Variants in CNDP1 observed in about 807,000 individuals in gnomAD.
The protein encoded by CNDP1 is carnosine dipeptidase 1.
Under a neutral mutation model 58.1 loss-of-function variants are expected in CNDP1, and 44 were observed. That is an observed-to-expected ratio of 0.76 (90% CI 0.60 to 0.97). CNDP1 has a LOEUF of 0.97. CNDP1 is among the 50% of genes least tolerant of loss of function. The probability of loss-of-function intolerance (pLI) is 0.00; values close to 1 mark genes in which losing one functional copy is unlikely to be tolerated. For missense variants in CNDP1, 616 were observed against 655.1 expected (o/e 0.94, Z 0.65); for synonymous variants, 254 against 252.6 (o/e 1.01, Z -0.05).
At chr18:74,580,108 C>A (rs770972714) in intron 9 of CNDP1, 22 bp from the exon 10 acceptor site, 20 of 1,600,944 alleles carry the variant, frequency 1.2e-5, no homozygotes, top group Non-Finnish European at 1.6e-5. Flanking sequence ...TTTCTCTTAT[C>A]ATTGAAAATG....
At chr18:74,535,688 T>G (rs1301070466) in intron 1 of CNDP1, among the ~76,000 whole-genome samples, 1 of 150,596 alleles carries the variant, frequency 6.6e-6, no homozygotes, top group Non-Finnish European at 1.5e-5. Context: ...TTAAACTGTG[T>G]CATGATAGTA....
intron 2 of CNDP1, among the ~76,000 whole-genome samples, chr18:74,558,418 G>A (rs1405703042): frequency 1.1e-5 from 1 of 87,362 alleles, no homozygotes; most frequent in Non-Finnish European, 2.2e-5. Flanking sequence ...TTTTTGAGAT[G>A]GAGTCTTGCT....
intron 1 of CNDP1, among the ~76,000 whole-genome samples, chr18:74,538,237 G>C (rs753444594): frequency 2.0e-5 from 3 of 152,110 alleles, no homozygotes; most frequent in Non-Finnish European, 2.9e-5. Flanking sequence ...CCTGTTTTCT[G>C]TCTCTGTAGA....
intron 6 of CNDP1, among the ~76,000 whole-genome samples, chr18:74,569,374 G>A (rs1002230670): frequency 6.6e-6 from 1 of 152,166 alleles, no homozygotes; most frequent in African/African-American, 2.4e-5. Context: ...GTAATTGATT[G>A]GATATGGCGT....
At chr18:74,584,286 T>G (rs1297444249) in intron 11 of CNDP1, 2 of 560,406 alleles carry the variant, frequency 3.6e-6, no homozygotes, top group Non-Finnish European at 6.4e-6. Flanking sequence ...GATTTGAGTC[T>G]AGGACTGATT....
At chr18:74,558,316 G>C (rs1262212346) in intron 2 of CNDP1, among the ~76,000 whole-genome samples, 2 of 152,034 alleles carry the variant, frequency 1.3e-5, no homozygotes, top group African/African-American at 4.8e-5. Context: ...TGGCTGCCAG[G>C]TGCTGGGCAC....
intron 1 of CNDP1, among the ~76,000 whole-genome samples, chr18:74,549,262 T>C (rs529990577): frequency 6.6e-6 from 1 of 152,342 alleles, no homozygotes; most frequent in South Asian, 2.1e-4. Context: ...GCTGAAAATG[T>C]CAAATCCTAG....
chr18:74,552,051 C>T (rs954662697), intron 1 of CNDP1, among the ~76,000 whole-genome samples: 1 of 152,228 alleles, frequency 6.6e-6, no homozygotes, highest in Admixed American at 6.5e-5. Context: ...CCGCCCCTGG[C>T]TCCTGGCTAA....
rs34522443 is a variant in CNDP1 at position 74,560,930 on chromosome 18, C to G, written c.378C>G (p.Thr126=). The G allele has an allele frequency of 5.3e-5, 86 of 1,614,010 alleles. No individual in the cohort carries two copies. Among genetic ancestry groups the G allele is most frequent in the Non-Finnish European group, 7.0e-5 (83 of 1,180,042 alleles). The change falls in exon 4 of 12, where the codon ACC becomes ACG. Residue 126 remains threonine (T), a synonymous_variant. Coordinates refer to ENST00000358821, the MANE Select transcript of CNDP1 (RefSeq NM_032649.6). ...TGGGGAGCGATCCCACGAAAGGCACCGTGTGCTTCTACGGCCACTTGGACG... is the reference window on the plus strand; with the variant it reads ...TGGGGAGCGATCCCACGAAAGGCACGGTGTGCTTCTACGGCCACTTGGACG... The part of the protein sequence containing the change: ...AELGSDPTKG[T]VCFYGHLDVQ...
At chr18:74,583,164 G>A (rs1393250580) in intron 10 of CNDP1, among the ~76,000 whole-genome samples, 5 of 152,074 alleles carry the variant, frequency 3.3e-5, no homozygotes, top group Non-Finnish European at 5.9e-5. Context: ...ATACCACCAT[G>A]CCCAGCTAAT....
At chr18:74,569,708 G>C (rs1478237936) in intron 6 of CNDP1, among the ~76,000 whole-genome samples, 2 of 152,126 alleles carry the variant, frequency 1.3e-5, no homozygotes, top group South Asian at 2.1e-4. Context: ...GGGCTCCATG[G>C]AGTTCCCAAG....
At chr18:74,548,197 G>A (rs943888200) in intron 1 of CNDP1, among the ~76,000 whole-genome samples, 5 of 152,202 alleles carry the variant, frequency 3.3e-5, no homozygotes, top group African/African-American at 9.7e-5. Context: ...TTGGATCTGT[G>A]TCCCTGCCAA....
At chr18:74,561,850 A>G (rs1981207721) in intron 4 of CNDP1, 197 bp from the exon 5 acceptor site, 2 of 485,406 alleles carry the variant, frequency 4.1e-6, no homozygotes, top group South Asian at 4.8e-5. Context: ...TTGTCAGGGA[A>G]GAGATCCAAG....
chr18:74,570,404 CT>C (rs1981450690), intron 6 of CNDP1, among the ~76,000 whole-genome samples: 1 of 152,076 alleles, frequency 6.6e-6, no homozygotes, highest in Non-Finnish European at 1.5e-5. Flanking sequence ...ATGCTGGGCG[CT>C]TAGCACAAGT....
At chr18:74,554,830 A>G (rs1333498418) in intron 1 of CNDP1, among the ~76,000 whole-genome samples, 1 of 152,232 alleles carries the variant, frequency 6.6e-6, no homozygotes, top group Non-Finnish European at 1.5e-5. Flanking sequence ...AAGATCACCC[A>G]GGCTGCTTTG....
At chr18:74,551,264 AT>A (rs139493874) in intron 1 of CNDP1, among the ~76,000 whole-genome samples, 39 of 149,826 alleles carry the variant, frequency 2.6e-4, no homozygotes, top group African/African-American at 7.1e-4. Flanking sequence ...AATTAACCCT[AT>A]TTTTTTTTAA....
At chr18:74,537,653 G>A (rs1343539611) in intron 1 of CNDP1, among the ~76,000 whole-genome samples, 2 of 152,096 alleles carry the variant, frequency 1.3e-5, no homozygotes, top group Admixed American at 6.5e-5. Context: ...TCTGTGCTGT[G>A]GGCACTCACC....
intron 1 of CNDP1, among the ~76,000 whole-genome samples, chr18:74,538,748 T>C (rs545475565): frequency 6.6e-6 from 1 of 152,202 alleles, no homozygotes; most frequent in East Asian, 1.9e-4. Context: ...AAGTGGTGTC[T>C]GGTTGTGGTT....
intron 8 of CNDP1, 131 bp from the exon 9 acceptor site, chr18:74,578,032 G>A: frequency 1.3e-6 from 1 of 785,820 alleles, no homozygotes; most frequent in Admixed American, 2.8e-5. Context: ...CTTGCGTGAG[G>A]CACAGCTGAG....
Sources: allele counts gnomAD v4.1 joint callset (sites outside exome capture counted in the v4.1 genomes callset), GRCh38; gene constraint gnomAD v4.1.1; transcripts MANE v1.5; gene names NCBI Gene and HGNC (gene_info 2026-07-23, HGNC 2026-07-21).